Variants in PARP8 observed in about 807,000 individuals in gnomAD.
PARP8 encodes poly(ADP-ribose) polymerase family member 8, also known as protein mono-ADP-ribosyltransferase PARP8.
Under a neutral mutation model 124.1 loss-of-function variants are expected in PARP8, and 51 were observed. That is an observed-to-expected ratio of 0.41 (90% CI 0.33 to 0.52). The LOEUF is 0.52. Among genes scored for constraint, PARP8 ranks in the 20% least tolerant of loss-of-function variants. PARP8 has a pLI of 0.21. For missense variants in PARP8, 860 were observed against 1,018.9 expected, an observed-to-expected ratio of 0.84 and a Z score of 2.12; for synonymous variants, 391 against 361.5, an observed-to-expected ratio of 1.08 and a Z score of -0.93.
At position 50,766,471 on chromosome 5, in the gene PARP8, A is replaced by G. The variant is rs551572137; in HGVS notation, c.518+3229A>G. 1.1e-3 allele frequency among the ~76,000 whole-genome samples: 171 copies of G among 152,324 alleles called. 1 individual carries two copies. The highest frequency in any genetic ancestry group is 1.9e-3 in the South Asian group (9 of 4,818). ...TTAGAAAGGGAATTACAGATCAGAAAATTCATATTTGTTTAGGAAAGAAAT... is the reference window on the plus strand; with the variant it reads ...TTAGAAAGGGAATTACAGATCAGAAGATTCATATTTGTTTAGGAAAGAAAT... On this transcript the variant is annotated intron_variant, in intron 7 of 25. Transcript: ENST00000281631.
intron 2 of PARP8, among the ~76,000 whole-genome samples, chr5:50,735,150 T>G (rs1193977406): frequency 2.0e-5 from 3 of 152,114 alleles, no homozygotes; most frequent in Non-Finnish European, 4.4e-5. Context: ...TTGTTTGGCT[T>G]CTGGGTAGCT....
At position 50,761,575 on chromosome 5, in the gene PARP8, A is replaced by T. The variant is rs941650564; in HGVS notation, c.346-246A>T. Among the ~76,000 whole-genome samples, 14 of 152,048 alleles carry T rather than the reference A, an allele frequency of 9.2e-5. 1 individual carries two copies. The highest frequency in any genetic ancestry group is 1.8e-4 in the Non-Finnish European group (12 of 67,954). Reference sequence around the variant, plus strand: ...ATACATAAGTTTTTAATATACATCAAATATTGAATTGTGCATTTCCTGTAA... The same window carrying T: ...ATACATAAGTTTTTAATATACATCATATATTGAATTGTGCATTTCCTGTAA... On this transcript the variant is annotated intron_variant, in intron 5 of 25. Coordinates refer to ENST00000281631, the MANE Select transcript of PARP8 (RefSeq NM_024615.4).
chr5:50,689,382 A>T (rs543398201), intron 2 of PARP8, among the ~76,000 whole-genome samples: 68 of 152,292 alleles, frequency 4.5e-4, no homozygotes, highest in Non-Finnish European at 8.4e-4. Context: ...TATTCTCTGT[A>T]TCCATCTTCA....
At chr5:50,763,702 C>T (rs556815056) in intron 7 of PARP8, among the ~76,000 whole-genome samples, 126 of 150,148 alleles carry the variant, frequency 8.4e-4, no homozygotes, top group African/African-American at 3.0e-3. Flanking sequence ...CTGTAGTTAC[C>T]TAATATATTA....
Position 50,794,263 on chromosome 5 carries a change from G to T in PARP8, c.794G>T (p.Cys265Phe). 6.2e-7 allele frequency: 1 copy of T among 1,613,542 alleles called. No homozygotes were observed. The highest frequency in any genetic ancestry group is 1.1e-5 in the South Asian group (1 of 91,048). The stretch of plus-strand genomic sequence containing the variant: ...AAACAGAGCAAAGAAAAATCCAATT[G>T]CCTGCACAATAAAAAGTTGTCAGAG... ...QWKQSKEKSN[C>F]LHNKKLSEKK... The change falls in exon 11 of 26, where the codon TGC (cysteine) becomes TTC (phenylalanine). Residue 265 changes from cysteine (C) to phenylalanine (F), a missense_variant. Physicochemically the swap from Cys to Phe is radical, Grantham distance 205. Transcript: ENST00000281631.
chr5:50,746,929 T>A (rs1216494870), intron 2 of PARP8, among the ~76,000 whole-genome samples: 4 of 152,082 alleles, frequency 2.6e-5, no homozygotes, highest in African/African-American at 4.8e-5. Context: ...CCCAGGAGGC[T>A]GCAGGGGGCA....
At chr5:50,742,345 T>C (rs1437565751) in intron 2 of PARP8, among the ~76,000 whole-genome samples, 1 of 152,208 alleles carries the variant, frequency 6.6e-6, no homozygotes, top group African/African-American at 2.4e-5. Flanking sequence ...AATTGTGAAA[T>C]TGTTAGATTA....
chr5:50,798,116 C>G (rs1325048728), intron 14 of PARP8, among the ~76,000 whole-genome samples: 1 of 152,124 alleles, frequency 6.6e-6, no homozygotes, highest in East Asian at 1.9e-4. Flanking sequence ...TTTCAAGGAC[C>G]ATCCATATAG....
chr5:50,835,265 A>T (rs958899165), intron 25 of PARP8, among the ~76,000 whole-genome samples: 3 of 152,208 alleles, frequency 2.0e-5, no homozygotes, highest in African/African-American at 7.2e-5. Context: ...CATCTTAGTC[A>T]AGCCTGGTGG....
In PARP8 at chr5:50,842,154, T is replaced by C. The variant is rs1476114425; in HGVS notation, c.*86T>C. 12 of 915,060 alleles carry C rather than the reference T, an allele frequency of 1.3e-5. No homozygotes were observed. The East Asian group carries it at 3.1e-4, about 24-fold the overall frequency. 56.7% of individuals were successfully genotyped at this position (915,060 alleles called of 1,614,324 possible). ...AACTGAAGAAGATTATAAAATTATTTATTGTTATTATAAACAAAATTAACC... is the reference window on the plus strand; with the variant it reads ...AACTGAAGAAGATTATAAAATTATTCATTGTTATTATAAACAAAATTAACC... On this transcript the variant is annotated 3_prime_UTR_variant, in exon 26 of 26. Transcript: ENST00000281631.
intron 2 of PARP8, among the ~76,000 whole-genome samples, chr5:50,746,804 A>T (rs1163537641): frequency 3.3e-5 from 5 of 152,192 alleles, no homozygotes; most frequent in Admixed American, 3.3e-4. Flanking sequence ...AGGCAGGAAG[A>T]TCACTTGAGG....
At chr5:50,765,244 A>G (rs1760945346) in intron 7 of PARP8, among the ~76,000 whole-genome samples, 1 of 151,988 alleles carries the variant, frequency 6.6e-6, no homozygotes. Flanking sequence ...CCTGGGCAAC[A>G]AGAGCGAAAC....
At chr5:50,752,312 A>G (rs1159891039) in intron 3 of PARP8, among the ~76,000 whole-genome samples, 1 of 152,038 alleles carries the variant, frequency 6.6e-6, no homozygotes, top group Non-Finnish European at 1.5e-5. Context: ...AATGAATTAA[A>G]CAACTCTTTG....
chr5:50,791,657 G>A (rs540441653), intron 10 of PARP8, among the ~76,000 whole-genome samples: 5 of 152,064 alleles, frequency 3.3e-5, no homozygotes, highest in Non-Finnish European at 7.4e-5. Flanking sequence ...CAAAGGCTCA[G>A]CATATCACAG....
At chr5:50,791,210 T>C (rs1482508485) in intron 10 of PARP8, among the ~76,000 whole-genome samples, 1 of 152,180 alleles carries the variant, frequency 6.6e-6, no homozygotes, top group Non-Finnish European at 1.5e-5. Context: ...TTATCAACAA[T>C]AGCAACAGCA....
chr5:50,786,112 C>T (rs1741218234), intron 9 of PARP8, among the ~76,000 whole-genome samples: 1 of 152,104 alleles, frequency 6.6e-6, no homozygotes, highest in Non-Finnish European at 1.5e-5. Context: ...TGGACCCTAA[C>T]ACTCTGCTTC....
chr5:50,724,800 C>T (rs1756250675), intron 2 of PARP8, among the ~76,000 whole-genome samples: 1 of 151,730 alleles, frequency 6.6e-6, no homozygotes, highest in Non-Finnish European at 1.5e-5. Context: ...GCACCTGTCA[C>T]CTAGGTAGTG....
At chr5:50,821,617 T>C (rs926503183) in intron 16 of PARP8, among the ~76,000 whole-genome samples, 1 of 152,226 alleles carries the variant, frequency 6.6e-6, no homozygotes, top group Admixed American at 6.5e-5. Flanking sequence ...CCCAGCTATC[T>C]GAAGGTTAGT....
chr5:50,757,086 C>G (rs114669824), intron 3 of PARP8: 1 of 448,396 alleles, frequency 2.2e-6, no homozygotes, highest in Non-Finnish European at 4.5e-6. Context: ...TTGATGAACA[C>G]TTAGAACTTA....
Sources: allele counts gnomAD v4.1 joint callset (sites outside exome capture counted in the v4.1 genomes callset), GRCh38; gene constraint gnomAD v4.1.1; transcripts MANE v1.5; gene names NCBI Gene and HGNC (gene_info 2026-07-23, HGNC 2026-07-21).